Variants in NACC2 observed in about 807,000 individuals in gnomAD.
NACC2 encodes nucleus accumbens-associated protein 2.
In NACC2, 8 loss-of-function variants were observed where a neutral mutation model predicts 25.1. The ratio of observed to expected loss-of-function variants is 0.32; its 90% CI spans 0.19 to 0.57. The LOEUF (loss-of-function observed/expected upper bound fraction) is 0.57, where lower values mean the gene tolerates loss of function less well. Among genes scored for constraint, NACC2 ranks in the 20% least tolerant of loss-of-function variants. The pLI, the probability that NACC2 is intolerant of heterozygous loss-of-function variation, is 0.89. For synonymous variants in NACC2, 435 were observed against 294.7 expected (o/e 1.48, Z -4.88); for missense variants, 644 against 650.2 (o/e 0.99, Z 0.10).
Position 136,050,209 on chromosome 9 carries a change from C to T in NACC2, c.313G>A (p.Gly105Ser). 1.3e-6 allele frequency: 1 copy of T among 772,082 alleles called. No homozygotes were observed. The highest frequency in any genetic ancestry group is 2.4e-5 in the East Asian group (1 of 40,922). 47.8% of individuals were successfully genotyped at this position (772,082 alleles called of 1,614,324 possible). The change falls in exon 2 of 6, where the codon GGC becomes AGC. Residue 105 changes from glycine (G) to serine (S), a missense_variant. Transcript: ENST00000277554. ...SEQLVVMYTAGFLQIQHIVER... is the reference protein window; with the variant it reads ...SEQLVVMYTASFLQIQHIVER... The stretch of plus-strand genomic sequence containing the variant: ...ACGATGTGCTGGATCTGCAGGAAGC[C>T]GGCCGTGTACATGACCACGAGCTGC...
chr9:136,085,311 G>A (rs542811398), intron 1 of NACC2, among the ~76,000 whole-genome samples: 9 of 150,956 alleles, frequency 6.0e-5, no homozygotes, highest in Admixed American at 3.3e-4. Flanking sequence ...CACTGTGCCC[G>A]ACCCAAAAAA....
rs560076952 is a variant in NACC2 at position 136,064,224 on chromosome 9, G to C, written c.-59-13644C>G. 4.2e-3 allele frequency among the ~76,000 whole-genome samples: 632 copies of C among 152,280 alleles called. 4 individuals carry two copies. Among genetic ancestry groups the C allele is most frequent in the African/African-American group, 0.014 (585 of 41,564 alleles). On this transcript the variant is annotated intron_variant, in intron 1 of 5. Coordinates refer to ENST00000277554, the MANE Select transcript of NACC2 (RefSeq NM_144653.5). ...GAATCACTTGAGCCCAGGCGATCGAGGCTGCAGTGAACTATGACTGCACTA... is the reference window on the plus strand; with the variant it reads ...GAATCACTTGAGCCCAGGCGATCGACGCTGCAGTGAACTATGACTGCACTA...
At chr9:136,035,596 T>C (rs984122890) in intron 2 of NACC2, among the ~76,000 whole-genome samples, 5 of 152,110 alleles carry the variant, frequency 3.3e-5, no homozygotes, top group Admixed American at 6.5e-5. Flanking sequence ...AAGAACAATA[T>C]TGAGACAACT....
rs1840043967 is a variant in NACC2, at chr9:136,007,589, A to G, written c.*3927T>C. 6.6e-6 allele frequency: 1 copy of G among 152,210 alleles called. No homozygotes were observed. The highest frequency in any genetic ancestry group is 1.5e-5 in the Non-Finnish European group (1 of 68,074). 9.4% of individuals were successfully genotyped at this position (152,210 alleles called of 1,614,324 possible). A position where few individuals can be genotyped will look rare whatever the true frequency, so the allele number is the denominator to read the frequency against. Reference sequence around the variant, plus strand: ...CACGCGCACACGCACACTCTCACCCACGGAGCTGGCTGGCTGACATGACAA... The same window carrying G: ...CACGCGCACACGCACACTCTCACCCGCGGAGCTGGCTGGCTGACATGACAA... On this transcript the variant is annotated 3_prime_UTR_variant, in exon 6 of 6. Transcript: ENST00000277554.
chr9:136,045,839 TG>T (rs1373999545), intron 2 of NACC2, among the ~76,000 whole-genome samples: 1 of 152,086 alleles, frequency 6.6e-6, no homozygotes. Context: ...TGGATCCAGA[TG>T]TGCCAAGGAG....
chr9:136,011,565 G>T lies in NACC2; in HGVS notation c.1715C>A (p.Pro572Gln). Residue 572 changes from proline to glutamine, a missense_variant, in exon 6 of 6, where the codon CCG becomes CAG. Pro to Gln is a moderately conservative substitution (Grantham distance 76, BLOSUM62 -1). Transcript: ENST00000277554. ...GGGGPSRPQTPAAAARRPEGT... is the reference protein window; with the variant it reads ...GGGGPSRPQTQAAAARRPEGT... ...CTCCGGCCTCCGGGCCGCGGCCGCCGGCGTCTGGGGCCTGCTGGGGCCGCC... is the reference window on the plus strand; with the variant it reads ...CTCCGGCCTCCGGGCCGCGGCCGCCTGCGTCTGGGGCCTGCTGGGGCCGCC... 7.1e-7 allele frequency: 1 copy of T among 1,407,184 alleles called. No homozygotes were observed. 87.2% of individuals were successfully genotyped at this position (1,407,184 alleles called of 1,614,324 possible).
chr9:136,012,447 G>A (rs1003986215), intron 5 of NACC2, among the ~76,000 whole-genome samples: 1 of 152,104 alleles, frequency 6.6e-6, no homozygotes, highest in South Asian at 2.1e-4. Context: ...AGCAACACTC[G>A]CCTCCTTTCT....
chr9:136,044,195 A>G (rs1840685476), intron 2 of NACC2, among the ~76,000 whole-genome samples: 1 of 152,108 alleles, frequency 6.6e-6, no homozygotes, highest in Admixed American at 6.5e-5. Flanking sequence ...CACACCACAG[A>G]TGCACCATAT....
At position 136,036,947 on chromosome 9, in the gene NACC2, A is replaced by G. The variant is rs1232689686; in HGVS notation, c.886+12689T>C. ...ACAAAGCAACACAAAGGCATCTAAT[A>G]GTCAAATTACTGCAAACATGAGATA... On this transcript the variant is annotated intron_variant, in intron 2 of 5. Coordinates refer to ENST00000277554, the MANE Select transcript of NACC2 (RefSeq NM_144653.5). 3.9e-5 allele frequency among the ~76,000 whole-genome samples: 6 copies of G among 152,258 alleles called. No homozygotes were observed. In the South Asian group the frequency reaches 1.2e-3, roughly 31 times the overall value.
intron 1 of NACC2, among the ~76,000 whole-genome samples, chr9:136,082,245 C>T (rs1044561584): frequency 6.6e-6 from 1 of 152,220 alleles, no homozygotes; most frequent in Non-Finnish European, 1.5e-5. Flanking sequence ...GGTGTGGCCA[C>T]GCCACGGCCT....
intron 1 of NACC2, among the ~76,000 whole-genome samples, chr9:136,050,972 C>T (rs1443589875): frequency 6.6e-6 from 1 of 152,200 alleles, no homozygotes; most frequent in Non-Finnish European, 1.5e-5. Context: ...CTCTCCTCCC[C>T]TCAAAAAAGT....
Position 136,011,437 on chromosome 9 carries a change from C to T in NACC2, c.*79G>A. On this transcript the variant is annotated 3_prime_UTR_variant, in exon 6 of 6. Transcript: ENST00000277554. ...CAGTAGCAGTTCAGTAGGTAAGTGG[C>T]TTGATCACATTTGTTTGTATTAGTA... The T allele has an allele frequency of 7.8e-7, 1 of 1,277,602 alleles. No individual in the cohort carries two copies. Among genetic ancestry groups the T allele is most frequent in the Non-Finnish European group, 9.9e-7 (1 of 1,006,862 alleles). The allele number at this position is 1,277,602 out of a possible 1,614,324, so 79.1% of individuals were successfully genotyped here.
At chr9:136,066,722 G>A (rs181176060) in intron 1 of NACC2, among the ~76,000 whole-genome samples, 1 of 152,184 alleles carries the variant, frequency 6.6e-6, no homozygotes, top group East Asian at 1.9e-4. Flanking sequence ...GCCAAGAAGT[G>A]GAAATACACA....
chr9:136,071,271 G>A (rs749012971), intron 1 of NACC2, among the ~76,000 whole-genome samples: 7 of 151,520 alleles, frequency 4.6e-5, no homozygotes, highest in African/African-American at 7.3e-5. Flanking sequence ...AAGGCTGGGC[G>A]CGGTGGCTCA....
intron 2 of NACC2, among the ~76,000 whole-genome samples, chr9:136,026,601 G>A (rs1182186133): frequency 1.3e-5 from 2 of 152,140 alleles, no homozygotes; most frequent in African/African-American, 2.4e-5. Context: ...ACAGTGAAAA[G>A]CATGGGGAAA....
intron 2 of NACC2, among the ~76,000 whole-genome samples, chr9:136,036,929 A>G (rs866790724): frequency 4.6e-5 from 7 of 152,248 alleles, no homozygotes; most frequent in Non-Finnish European, 5.9e-5. Context: ...AATACAAAGC[A>G]ACACAAAGGC....
intron 2 of NACC2, among the ~76,000 whole-genome samples, chr9:136,046,131 G>A (rs1284352833): frequency 1.3e-5 from 2 of 152,226 alleles, no homozygotes; most frequent in Admixed American, 1.3e-4. Flanking sequence ...CCTCTGCCCG[G>A]CCCACCTCCT....
intron 2 of NACC2, among the ~76,000 whole-genome samples, chr9:136,035,862 T>C (rs1452294599): frequency 6.6e-6 from 1 of 152,218 alleles, no homozygotes; most frequent in African/African-American, 2.4e-5. Context: ...ATACAGAAGT[T>C]CTCCGTACTT....
chr9:136,057,057 G>C (rs937574430), intron 1 of NACC2, among the ~76,000 whole-genome samples: 3 of 152,184 alleles, frequency 2.0e-5, no homozygotes, highest in African/African-American at 7.2e-5. Flanking sequence ...CCAGTACCTC[G>C]AGGGAGGGCT....
Sources: gnomAD v4.1 joint callset for allele counts (sites outside exome capture counted in the v4.1 genomes callset) on GRCh38, gnomAD v4.1.1 for gene constraint, MANE v1.5 for transcripts, NCBI Gene and HGNC (gene_info 2026-07-23, HGNC 2026-07-21) for gene names.